Variants in STAT5A observed in about 807,000 individuals in gnomAD.
STAT5A encodes the protein epididymis secretory sperm binding protein.
Under a neutral mutation model 100.2 loss-of-function variants are expected in STAT5A, and 26 were observed. That is an observed-to-expected ratio of 0.26 (90% CI 0.19 to 0.36). The LOEUF is 0.36. Ranked by LOEUF, STAT5A falls within the 10% of genes least tolerant of loss-of-function variation. STAT5A has a pLI of 1.00. For synonymous variants in STAT5A, 330 were observed against 424.3 expected, an observed-to-expected ratio of 0.78 and a Z score of 2.73; for missense variants, 634 against 1,027.5, an observed-to-expected ratio of 0.62 and a Z score of 5.24.
Position 42,304,404 on chromosome 17 carries a change from C to A in STAT5A, c.1232C>A (p.Thr411Asn), listed in dbSNP as rs772056413. Residue 411 changes from threonine (T) to asparagine (N), a missense_variant, in exon 10 of 19, where the codon ACC (threonine) becomes AAC (asparagine). Around this residue, in one of 5 missense-constraint regions of STAT5A, gnomAD observed 210 missense variants for 428.4 expected, o/e 0.49. Coordinates refer to ENST00000590949, the MANE Select transcript of STAT5A (RefSeq NM_001288718.2). This position sits in a 1 kb window ranked among gnomAD's most constrained non-coding sequence, Gnocchi z 4.8. ...ATGGAGTACCACCAAGCCACGGGCA[C>A]CCTCAGTGCCCACTTCAGGAACATG... Reference protein sequence around the residue: ...CVMEYHQATGTLSAHFRNMSL... With the variant: ...CVMEYHQATGNLSAHFRNMSL... 6.2e-7 allele frequency: 1 copy of A among 1,614,116 alleles called. No homozygotes were observed. Among genetic ancestry groups the A allele is most frequent in the African/African-American group, 1.3e-5 (1 of 74,934 alleles).
chr17:42,304,143 G>C lies in STAT5A; in HGVS notation c.1170-199G>C, dbSNP rs1372509524. 2 of 592,842 alleles carry C rather than the reference G, an allele frequency of 3.4e-6. No individual in the cohort carries two copies. Among genetic ancestry groups the C allele is most frequent in the Non-Finnish European group, 6.0e-6 (2 of 332,662 alleles). The allele number at this position is 592,842 out of a possible 1,614,324, so 36.7% of individuals were successfully genotyped here. A position where few individuals can be genotyped will look rare whatever the true frequency, so the allele number is the denominator to read the frequency against. ...GATAGATCCAGACCTCACCACTGGA[G>C]ACCTTGCCTTGGGTGCTGGGCACCA... On this transcript the variant is annotated intron_variant, in intron 9 of 18. Transcript: ENST00000590949. The surrounding 1 kb of genome is among the most constrained non-coding windows in gnomAD (Gnocchi z 4.8).
chr17:42,306,167 T>G, intron 12 of STAT5A, 74 bp from the exon 13 acceptor site: 4 of 1,608,920 alleles, frequency 2.5e-6, no homozygotes, highest in Non-Finnish European at 3.4e-6. Flanking sequence ...TCTAGGTGTC[T>G]GTGTATCTTG....
rs1347512470 is a variant in STAT5A at position 42,311,490 on chromosome 17, A to C, written c.*821A>C. 6.6e-6 allele frequency: 1 copy of C among 152,248 alleles called. No individual in the cohort carries two copies. The highest frequency in any genetic ancestry group is 1.5e-5 in the Non-Finnish European group (1 of 68,026). The allele number at this position is 152,248 out of a possible 1,614,324, so 9.4% of individuals were successfully genotyped here. ...TCTCTGTTTGTAACCTTGTCGACAAAGAGGTAGAAAAGATTGGGTCTAGGA... is the reference window on the plus strand; with the variant it reads ...TCTCTGTTTGTAACCTTGTCGACAACGAGGTAGAAAAGATTGGGTCTAGGA... On this transcript the variant is annotated 3_prime_UTR_variant, in exon 19 of 19. Coordinates refer to ENST00000590949, the MANE Select transcript of STAT5A (RefSeq NM_001288718.2).
At chr17:42,302,715 C>T (rs954190802) in intron 9 of STAT5A, among the ~76,000 whole-genome samples, 2 of 151,862 alleles carry the variant, frequency 1.3e-5, no homozygotes, top group Admixed American at 1.3e-4. Context: ...AGGCAGATCA[C>T]TTGAGGCCAG....
At chr17:42,293,474 G>C (rs1292316602) in intron 4 of STAT5A, among the ~76,000 whole-genome samples, 1 of 152,226 alleles carries the variant, frequency 6.6e-6, no homozygotes, top group Non-Finnish European at 1.5e-5. Context: ...CGAAGTGCTG[G>C]GATTACAGGC....
rs145354506 is a variant in STAT5A at position 42,307,729 on chromosome 17, T to C, written c.1906+6T>C. On this transcript the variant is annotated splice_donor_region_variant and intron_variant, in intron 15 of 18. Transcript: ENST00000590949. ...CGCCTGGAAGTTTGACTCCCGTGAG[T>C]GCCCGTTTTGCCCACACTCCAGCCC... is the stretch of plus-strand genomic sequence containing the variant. The C allele has an allele frequency of 5.8e-4, 942 of 1,613,032 alleles. 2 individuals carry two copies. In the African/African-American group the frequency reaches 0.011, roughly 19 times the overall value.
Position 42,308,932 on chromosome 17 carries a change from C to T in STAT5A, c.2063-115C>T, listed in dbSNP as rs1439187003. ...TGGGGGTCCTTGGGAAATCTCATCCCAGCTGAGAACACAAGGTGATGTGAG... is the reference window on the plus strand; with the variant it reads ...TGGGGGTCCTTGGGAAATCTCATCCTAGCTGAGAACACAAGGTGATGTGAG... On this transcript the variant is annotated intron_variant, in intron 16 of 18. Coordinates refer to ENST00000590949, the MANE Select transcript of STAT5A (RefSeq NM_001288718.2). The surrounding 1 kb of genome is among the most constrained non-coding windows in gnomAD (Gnocchi z 4.6). The T allele has an allele frequency of 1.1e-5, 15 of 1,353,940 alleles. No individual in the cohort carries two copies. Among genetic ancestry groups the T allele is most frequent in the Middle Eastern group, 3.6e-4 (2 of 5,486 alleles). 83.9% of individuals were successfully genotyped at this position (1,353,940 alleles called of 1,614,324 possible). A position where few individuals can be genotyped will look rare whatever the true frequency, so the allele number is the denominator to read the frequency against.
Position 42,304,476 on chromosome 17 carries a change from G to A in STAT5A, c.1257+47G>A. The A allele has an allele frequency of 1.2e-6, 2 of 1,614,200 alleles. No homozygotes were observed. The highest frequency in any genetic ancestry group is 1.7e-6 in the Non-Finnish European group (2 of 1,179,990). ...GGAGGGCAGGTCTGCCCAGAGCTGA[G>A]TCCTTGTAAGCAGCCGCCATCTCCC... On this transcript the variant is annotated intron_variant, in intron 10 of 18. Coordinates refer to ENST00000590949, the MANE Select transcript of STAT5A (RefSeq NM_001288718.2). The surrounding 1 kb of genome is among the most constrained non-coding windows in gnomAD (Gnocchi z 4.8).
In STAT5A at chr17:42,304,741, C is replaced by A; in HGVS notation, c.1380+89C>A. The A allele has an allele frequency of 1.3e-6, 2 of 1,568,648 alleles. No individual in the cohort carries two copies. Among genetic ancestry groups the A allele is most frequent in the Non-Finnish European group, 1.7e-6 (2 of 1,154,120 alleles). On this transcript the variant is annotated intron_variant, in intron 11 of 18. Transcript: ENST00000590949. This position sits in a 1 kb window ranked among gnomAD's most constrained non-coding sequence, Gnocchi z 4.8. ...TCAGGACTCCTGGCAGCAATGCCATCGGACAGCCTGCTTTGACTCTGTGGG... is the reference window on the plus strand; with the variant it reads ...TCAGGACTCCTGGCAGCAATGCCATAGGACAGCCTGCTTTGACTCTGTGGG...
rs759563651 is a variant in STAT5A at position 42,306,446 on chromosome 17, G to A, written c.1679G>A (p.Arg560Lys). Reference protein sequence around the residue: ...GLSVSWSQFNRENLPGWNYTF... With the variant: ...GLSVSWSQFNKENLPGWNYTF... The stretch of plus-strand genomic sequence containing the variant: ...TCCGTGTCCTGGTCCCAGTTCAACA[G>A]GGTGAGGGGCCCAGCTGCCAGCCGC... Residue 560 changes from arginine to lysine, a missense_variant and splice_region_variant, in exon 13 of 19, where the codon AGG becomes AAG. Arg to Lys is a conservative substitution (Grantham distance 26). This residue lies in a region of STAT5A where 210 missense variants were observed against 428.4 expected (regional missense o/e 0.49). Coordinates refer to ENST00000590949, the MANE Select transcript of STAT5A (RefSeq NM_001288718.2). The A allele has an allele frequency of 4.3e-6, 7 of 1,610,858 alleles. No homozygotes were observed. In the Admixed American group the frequency reaches 1.2e-4, roughly 27 times the overall value.
chr17:42,306,694 G>A (rs2081032243), intron 13 of STAT5A, among the ~76,000 whole-genome samples: 1 of 151,990 alleles, frequency 6.6e-6, no homozygotes, highest in Non-Finnish European at 1.5e-5. Flanking sequence ...GGATCCTTGG[G>A]TTCTGGGCCT....
chr17:42,304,994 G>A lies in STAT5A; in HGVS notation c.1380+342G>A, dbSNP rs375648226. 3.4e-4 allele frequency among the ~76,000 whole-genome samples: 51 copies of A among 152,014 alleles called. No individual in the cohort carries two copies. The highest frequency in any genetic ancestry group is 1.1e-3 in the African/African-American group (47 of 41,392). ...AAGAGGGAGGACTGCTTGAGTCCAG[G>A]AGTTCAAGACTAGCCTGGGCAGCAT... On this transcript the variant is annotated intron_variant, in intron 11 of 18. Transcript: ENST00000590949. This position sits in a 1 kb window ranked among gnomAD's most constrained non-coding sequence, Gnocchi z 4.8.
chr17:42,301,206 C>T (rs2080974973), intron 8 of STAT5A, 69 bp from the exon 9 acceptor site: 2 of 1,572,958 alleles, frequency 1.3e-6, no homozygotes, highest in South Asian at 2.4e-5. Flanking sequence ...ACCCCCACCA[C>T]AGAGGGACTG....
In STAT5A at chr17:42,308,101, A is replaced by G; in HGVS notation, c.1907-77A>G. The G allele has an allele frequency of 6.4e-7, 1 of 1,567,608 alleles. No homozygotes were observed. Among genetic ancestry groups the G allele is most frequent in the Middle Eastern group, 1.7e-4 (1 of 5,840 alleles). ...ATATAAAAGCCCAGATTTCTCTTGC[A>G]AGCCTGCCCTAAAGCCCCACAACCT... On this transcript the variant is annotated intron_variant, in intron 15 of 18. Coordinates refer to ENST00000590949, the MANE Select transcript of STAT5A (RefSeq NM_001288718.2). This position sits in a 1 kb window ranked among gnomAD's most constrained non-coding sequence, Gnocchi z 4.6.
In STAT5A at chr17:42,310,538, T is replaced by G. The variant is rs199677936; in HGVS notation, c.2254T>G (p.Phe752Val). Residue 752 changes from phenylalanine to valine, a missense_variant, in exon 19 of 19, where the codon TTC becomes GTC. Phe to Val is a conservative substitution (Grantham distance 50, BLOSUM62 -1). Transcript: ENST00000590949. The stretch of plus-strand genomic sequence containing the variant: ...CCATGTACTCGATCAGGATGGAGAA[T>G]TCGACCTGGATGAGACCATGGATGT... ...PDHVLDQDGE[F>V]DLDETMDVAR... 1.2e-6 allele frequency: 2 copies of G among 1,614,212 alleles called. No individual in the cohort carries two copies. Among genetic ancestry groups the G allele is most frequent in the Non-Finnish European group, 8.5e-7 (1 of 1,180,030 alleles).
chr17:42,307,381 CG>C lies in STAT5A; in HGVS notation c.1681-16del. On this transcript the variant is annotated intron_variant, in intron 13 of 18. Transcript: ENST00000590949. ...GTGACCTGGGGCACCAGCCCTGACT[CG>C]GGGGTTCCTGGGCCCTCAGGAGAAC... is the stretch of plus-strand genomic sequence containing the variant. 5 of 1,611,092 alleles carry C rather than the reference CG, an allele frequency of 3.1e-6. No individual in the cohort carries two copies. Among genetic ancestry groups the C allele is most frequent in the Non-Finnish European group, 2.5e-6 (3 of 1,178,638 alleles).
chr17:42,305,716 G>T lies in STAT5A; in HGVS notation c.1473+14G>T, dbSNP rs769076093. 7 of 1,613,540 alleles carry T rather than the reference G, an allele frequency of 4.3e-6. No homozygotes were observed. The Admixed American group carries it at 1.2e-4, about 27-fold the overall frequency. On this transcript the variant is annotated intron_variant, in intron 12 of 18. Transcript: ENST00000590949. Reference sequence around the variant, plus strand: ...TTTGCTGAGCCGGTGAGTCCCCGTGGGAGCCCTACCCCAGCACCCCCAGGC... The same window carrying T: ...TTTGCTGAGCCGGTGAGTCCCCGTGTGAGCCCTACCCCAGCACCCCCAGGC...
intron 18 of STAT5A, 56 bp downstream of exon 18, chr17:42,309,540 C>A: frequency 6.4e-7 from 1 of 1,562,106 alleles, no homozygotes; most frequent in Non-Finnish European, 8.8e-7. Context: ...TGGCCCCAGG[C>A]TGGACTCCTG....
At chr17:42,299,511 C>G (rs188048206) in intron 5 of STAT5A, among the ~76,000 whole-genome samples, 32 of 152,342 alleles carry the variant, frequency 2.1e-4, no homozygotes, top group Middle Eastern at 3.4e-3. Context: ...CCAGCTGCCC[C>G]AGCACCCGTG....
Sources: allele counts gnomAD v4.1 joint callset (sites outside exome capture counted in the v4.1 genomes callset), GRCh38; gene constraint gnomAD v4.1.1; regional missense constraint gnomAD v4.1.1; non-coding constraint Gnocchi (gnomAD v3.1); transcripts MANE v1.5; gene names NCBI Gene and HGNC (gene_info 2026-07-23, HGNC 2026-07-21).